The following TMEM135 variants were observed in gnomAD, a reference collection of about 807,000 sequenced individuals.
TMEM135 encodes the protein transmembrane protein 135, also known as peroxisomal membrane protein 52.
Under a neutral mutation model 60.3 loss-of-function variants are expected in TMEM135, and 30 were observed. The observed-to-expected ratio is 0.50, with a 90% CI of 0.37 to 0.68. TMEM135 has a LOEUF of 0.68. Among genes scored for constraint, TMEM135 ranks in the 30% least tolerant of loss-of-function variants. TMEM135 has a pLI of 0.00. For missense variants in TMEM135, 468 were observed against 548.8 expected, an observed-to-expected ratio of 0.85 and a Z score of 1.47; for synonymous variants, 190 against 186.7, an observed-to-expected ratio of 1.02 and a Z score of -0.14.
At chr11:87,253,379 G>A (rs687568) in intron 6 of TMEM135, among the ~76,000 whole-genome samples, 99,976 of 151,584 alleles carry the variant, frequency 0.66, 33,481 homozygotes, top group Non-Finnish European at 0.71. Flanking sequence ...TTGCCTTTCA[G>A]ACACTTGCAA....
intron 5 of TMEM135, among the ~76,000 whole-genome samples, chr11:87,212,597 G>A (rs1275270554): frequency 1.3e-5 from 2 of 151,990 alleles, no homozygotes; most frequent in Non-Finnish European, 2.9e-5. Flanking sequence ...CGAGGTGGGT[G>A]GATCACCTGA....
chr11:87,140,003 A>C (rs1283414981), intron 4 of TMEM135, among the ~76,000 whole-genome samples: 1 of 152,048 alleles, frequency 6.6e-6, no homozygotes, highest in African/African-American at 2.4e-5. Flanking sequence ...TTTTGAATTT[A>C]AGTGCTTTGC....
chr11:87,161,685 A>G (rs1378489221), intron 5 of TMEM135, among the ~76,000 whole-genome samples: 1 of 152,182 alleles, frequency 6.6e-6, no homozygotes, highest in African/African-American at 2.4e-5. Flanking sequence ...TGAACAAGCT[A>G]AGTGACTTCT....
At chr11:87,244,017 T>A in intron 6 of TMEM135, among the ~76,000 whole-genome samples, 1 of 87,536 alleles carries the variant, frequency 1.1e-5, no homozygotes, top group East Asian at 2.2e-4. Context: ...TATTTTGAGA[T>A]ACGTCCCATC....
At chr11:87,067,894 T>G in intron 2 of TMEM135, 73 bp downstream of exon 2, 1 of 1,576,254 alleles carries the variant, frequency 6.3e-7, no homozygotes, top group Non-Finnish European at 8.7e-7. Context: ...TGTGTTTACA[T>G]AAATGTTATG....
chr11:87,292,698 C>T (rs1942287889), intron 6 of TMEM135, among the ~76,000 whole-genome samples: 1 of 152,162 alleles, frequency 6.6e-6, no homozygotes, highest in African/African-American at 2.4e-5. Flanking sequence ...TGGACATAGA[C>T]ATCTGACCCT....
At chr11:87,307,502 A>T (rs1942571604) in intron 9 of TMEM135, among the ~76,000 whole-genome samples, 1 of 152,076 alleles carries the variant, frequency 6.6e-6, no homozygotes, top group Admixed American at 6.6e-5. Flanking sequence ...AACTAAGAGG[A>T]GTATTTGGAT....
chr11:87,191,987 C>CTTTTTTTTTTTTTTTTTT (rs200969171), intron 5 of TMEM135, among the ~76,000 whole-genome samples: 9 of 77,188 alleles, frequency 1.2e-4, no homozygotes, highest in Middle Eastern at 8.2e-3. Flanking sequence ...CTTTTCTTTT[C>CTTTTTTTTTTTTTTTTTT]TTTTTTTTTT....
intron 4 of TMEM135, among the ~76,000 whole-genome samples, chr11:87,132,500 GT>G (rs1937960906): frequency 6.6e-6 from 1 of 152,058 alleles, no homozygotes; most frequent in African/African-American, 2.4e-5. Flanking sequence ...TGATTATAAT[GT>G]ACATGATATT....
chr11:87,255,719 G>T (rs1941515023), intron 6 of TMEM135, among the ~76,000 whole-genome samples: 1 of 152,160 alleles, frequency 6.6e-6, no homozygotes, highest in South Asian at 2.1e-4. Flanking sequence ...CTGCCATGCA[G>T]TTGGCCTTCT....
chr11:87,097,016 A>G (rs1227743210), intron 4 of TMEM135, among the ~76,000 whole-genome samples: 3 of 150,376 alleles, frequency 2.0e-5, no homozygotes, highest in East Asian at 3.9e-4. Flanking sequence ...TTTTTTTTCA[A>G]GACAGGGTCT....
In TMEM135 at chr11:87,328,422, A is replaced by G. The variant is rs1942945656; in HGVS notation, c.*7089A>G. ...GTTTTTGGTTGCATGGATGAATTGTATATTGGTGAAGTCTGAAATTTTAGT... is the reference window on the plus strand; with the variant it reads ...GTTTTTGGTTGCATGGATGAATTGTGTATTGGTGAAGTCTGAAATTTTAGT... On this transcript the variant is annotated 3_prime_UTR_variant, in exon 15 of 15. Coordinates refer to ENST00000305494, the MANE Select transcript of TMEM135 (RefSeq NM_022918.4). 1 of 453,974 alleles carries G rather than the reference A, an allele frequency of 2.2e-6. No homozygotes were observed. Among genetic ancestry groups the G allele is most frequent in the African/African-American group, 2.0e-5 (1 of 50,012 alleles). The allele number at this position is 453,974 out of a possible 1,614,324, so 28.1% of individuals were successfully genotyped here.
At chr11:87,047,366 G>C (rs543556155) in intron 1 of TMEM135, among the ~76,000 whole-genome samples, 3 of 151,858 alleles carry the variant, frequency 2.0e-5, no homozygotes, top group East Asian at 3.9e-4. Context: ...CGTGAGCGAC[G>C]CAGAAGACGG....
chr11:87,326,430 G>A lies in TMEM135; in HGVS notation c.*5097G>A, dbSNP rs911927582. 6 of 453,832 alleles carry A rather than the reference G, an allele frequency of 1.3e-5. No individual in the cohort carries two copies. Among genetic ancestry groups the A allele is most frequent in the Admixed American group, 4.7e-5 (2 of 42,548 alleles). 28.1% of individuals were successfully genotyped at this position (453,832 alleles called of 1,614,324 possible). ...ATTAAACTTTTTCCAGTAGTTAATC[G>A]ATCTCTTAAATTAATTTTCTTTTCA... On this transcript the variant is annotated 3_prime_UTR_variant, in exon 15 of 15. Coordinates refer to ENST00000305494, the MANE Select transcript of TMEM135 (RefSeq NM_022918.4).
At chr11:87,214,327 C>G (rs141447220) in intron 5 of TMEM135, among the ~76,000 whole-genome samples, 1 of 152,156 alleles carries the variant, frequency 6.6e-6, no homozygotes, top group African/African-American at 2.4e-5. Context: ...TGCAAAGCAG[C>G]CTTTTTTCAA....
intron 5 of TMEM135, among the ~76,000 whole-genome samples, chr11:87,222,941 GACT>G (rs1336536507): frequency 2.0e-5 from 3 of 152,148 alleles, no homozygotes; most frequent in Non-Finnish European, 4.4e-5. Context: ...TGTAGTGATA[GACT>G]GGATTGCTGA....
intron 6 of TMEM135, chr11:87,277,423 G>A (rs989808438): frequency 5.8e-5 from 11 of 190,296 alleles, no homozygotes; most frequent in African/African-American, 2.4e-4. Flanking sequence ...GAGCCACTGT[G>A]CCTGGCCCAA....
intron 5 of TMEM135, among the ~76,000 whole-genome samples, chr11:87,189,317 T>C (rs983466287): frequency 2.6e-5 from 4 of 152,032 alleles, no homozygotes; most frequent in Non-Finnish European, 5.9e-5. Flanking sequence ...TGTGCCACCA[T>C]GCCTGGCTAA....
At chr11:87,080,180 T>TC in intron 3 of TMEM135, among the ~76,000 whole-genome samples, 1 of 151,048 alleles carries the variant, frequency 6.6e-6, no homozygotes, top group South Asian at 2.1e-4. Context: ...TTTTTTTTTT[T>TC]TTTTTGATAT....
Sources: gnomAD v4.1 joint callset for allele counts (sites outside exome capture counted in the v4.1 genomes callset) on GRCh38, gnomAD v4.1.1 for gene constraint, MANE v1.5 for transcripts, NCBI Gene and HGNC (gene_info 2026-07-23, HGNC 2026-07-21) for gene names.